The following OXCT1 variants were observed in gnomAD, a reference collection of about 807,000 sequenced individuals.
OXCT1 encodes succinyl-CoA:3-ketoacid coenzyme A transferase 1, mitochondrial.
A neutral mutation model predicts 69.6 loss-of-function variants in OXCT1; 27 were observed. The observed-to-expected ratio is 0.39, with a 90% CI of 0.29 to 0.54. The LOEUF is 0.54. OXCT1 is among the 20% of genes least tolerant of loss of function. OXCT1 has a pLI of 0.72. For synonymous variants in OXCT1, 202 were observed against 217.8 expected, an observed-to-expected ratio of 0.93 and a Z score of 0.64; for missense variants, 437 against 650.2, an observed-to-expected ratio of 0.67 and a Z score of 3.57.
intron 7 of OXCT1, among the ~76,000 whole-genome samples, chr5:41,822,934 A>G (rs1226224128): frequency 6.6e-6 from 1 of 152,168 alleles, no homozygotes; most frequent in African/African-American, 2.4e-5. Context: ...TGTTCAAATT[A>G]TTTAGTCGGA....
chr5:41,845,924 T>G lies in OXCT1; in HGVS notation c.565-3143A>C, dbSNP rs137876328. ...ATCTTAAAATATTTTAATGTAAAAT[T>G]TATCATATAAAAATGTACAAAATAT... On this transcript the variant is annotated intron_variant, in intron 5 of 16. Transcript: ENST00000196371. Among the ~76,000 whole-genome samples the G allele has an allele frequency of 3.6e-4, 55 of 152,130 alleles. 1 individual carries two copies. The East Asian group carries it at 0.011, about 29-fold the overall frequency.
chr5:41,755,704 A>C (rs1234983910), intron 14 of OXCT1, among the ~76,000 whole-genome samples: 1 of 152,136 alleles, frequency 6.6e-6, no homozygotes, highest in Non-Finnish European at 1.5e-5. Flanking sequence ...GATAGCTTTC[A>C]GCTCTATATG....
At chr5:41,840,553 GA>G in intron 6 of OXCT1, 42 bp from the exon 7 acceptor site, 2 of 1,252,388 alleles carry the variant, frequency 1.6e-6, no homozygotes, top group Non-Finnish European at 2.3e-6. Context: ...GGGAAAAGAC[GA>G]AAAATAAGCA....
intron 1 of OXCT1, among the ~76,000 whole-genome samples, chr5:41,868,996 C>G (rs541084018): frequency 6.6e-5 from 10 of 152,294 alleles, no homozygotes; most frequent in Admixed American, 3.9e-4. Context: ...AAAGAAGGAA[C>G]GTTCCTGACC....
intron 7 of OXCT1, among the ~76,000 whole-genome samples, chr5:41,819,164 C>T (rs1433024148): frequency 6.6e-6 from 1 of 151,886 alleles, no homozygotes; most frequent in African/African-American, 2.4e-5. Flanking sequence ...ATAAGTAGGT[C>T]AAAAGTTGTT....
At chr5:41,859,907 T>TATAC (rs1304074270) in intron 3 of OXCT1, among the ~76,000 whole-genome samples, 148 of 138,466 alleles carry the variant, frequency 1.1e-3, no homozygotes, top group African/African-American at 3.6e-3. Flanking sequence ...TATATATATA[T>TATAC]ACACACACAC....
chr5:41,751,647 A>G (rs1743792718), intron 14 of OXCT1, among the ~76,000 whole-genome samples: 1 of 152,164 alleles, frequency 6.6e-6, no homozygotes, highest in South Asian at 2.1e-4. Flanking sequence ...GTTAGCTGGT[A>G]CTGTTTTTAA....
intron 7 of OXCT1, among the ~76,000 whole-genome samples, chr5:41,807,648 G>A (rs748075775): frequency 2.4e-4 from 37 of 151,958 alleles, no homozygotes; most frequent in Admixed American, 1.6e-3. Flanking sequence ...AAGTGTATGC[G>A]TCTGAACAGA....
At chr5:41,778,180 C>A (rs1579717109) in intron 13 of OXCT1, among the ~76,000 whole-genome samples, 1 of 151,502 alleles carries the variant, frequency 6.6e-6, no homozygotes, top group Non-Finnish European at 1.5e-5. Context: ...TTGGTACTTA[C>A]ATAGCTAAAT....
At chr5:41,785,681 A>G (rs907335209) in intron 13 of OXCT1, among the ~76,000 whole-genome samples, 4 of 152,192 alleles carry the variant, frequency 2.6e-5, no homozygotes, top group African/African-American at 9.6e-5. Context: ...AGCATGTAGG[A>G]TAGATGCTCA....
chr5:41,822,637 C>G (rs891134376), intron 7 of OXCT1, among the ~76,000 whole-genome samples: 1 of 152,054 alleles, frequency 6.6e-6, no homozygotes, highest in Non-Finnish European at 1.5e-5. Flanking sequence ...CCATGCCCGG[C>G]TAATTTTTGT....
In OXCT1 at chr5:41,870,364, G is replaced by T. The variant is rs1201610821; in HGVS notation, c.-6C>A. On this transcript the variant is annotated 5_prime_UTR_variant, in exon 1 of 17. Transcript: ENST00000196371. This position sits in a 1 kb window ranked among gnomAD's most constrained non-coding sequence, Gnocchi z 4.2. ...AGGAGTTTGAGAGCCGCCATCTTCG[G>T]GCGGTGAGGCAGGAGGAGGCTGCGG... The T allele has an allele frequency of 6.2e-7, 1 of 1,612,084 alleles. No homozygotes were observed. The highest frequency in any genetic ancestry group is 1.7e-5 in the Admixed American group (1 of 60,020).
intron 15 of OXCT1, among the ~76,000 whole-genome samples, chr5:41,747,121 G>C (rs1208483807): frequency 1.3e-5 from 2 of 152,020 alleles, no homozygotes; most frequent in Non-Finnish European, 2.9e-5. Flanking sequence ...ATCACTGAAG[G>C]GTTCCTTACT....
At position 41,731,665 on chromosome 5, in the gene OXCT1, C is replaced by T; in HGVS notation, c.*64G>A. ...AATACACAATTATGATTATTGATGTCCTTTCAATTAAATCTTGTGTGTTTA... is the reference window on the plus strand; with the variant it reads ...AATACACAATTATGATTATTGATGTTCTTTCAATTAAATCTTGTGTGTTTA... On this transcript the variant is annotated 3_prime_UTR_variant, in exon 17 of 17. Coordinates refer to ENST00000196371, the MANE Select transcript of OXCT1 (RefSeq NM_000436.4). 1.3e-6 allele frequency: 2 copies of T among 1,557,376 alleles called. No homozygotes were observed. The highest frequency in any genetic ancestry group is 2.4e-5 in the South Asian group (2 of 84,786).
chr5:41,746,339 C>T (rs1306940334), intron 15 of OXCT1, among the ~76,000 whole-genome samples: 2 of 151,938 alleles, frequency 1.3e-5, no homozygotes, highest in South Asian at 2.1e-4. Flanking sequence ...ACTAGGAAAT[C>T]AGGGTCATAG....
intron 7 of OXCT1, among the ~76,000 whole-genome samples, chr5:41,815,562 A>G (rs1313178776): frequency 1.3e-5 from 2 of 152,158 alleles, no homozygotes; most frequent in Admixed American, 6.5e-5. Context: ...CTAAATATCT[A>G]TATTTCATTT....
intron 7 of OXCT1, among the ~76,000 whole-genome samples, chr5:41,827,383 T>C (rs1489626321): frequency 1.3e-5 from 2 of 152,138 alleles, no homozygotes; most frequent in Non-Finnish European, 2.9e-5. Context: ...GTCCAGGAAA[T>C]TTATCTATGT....
intron 13 of OXCT1, among the ~76,000 whole-genome samples, chr5:41,767,638 G>A (rs1490803777): frequency 2.7e-5 from 4 of 146,882 alleles, no homozygotes; most frequent in Non-Finnish European, 5.9e-5. Flanking sequence ...ACTCAGTCAC[G>A]TCTCTAATAG....
At position 41,767,720 on chromosome 5, in the gene OXCT1, G is replaced by GTATATATATATATA. The variant is rs751695010; in HGVS notation, c.1249-5521_1249-5520insTATATATATATATA. ...TATCTAGTATCTAATATATATGTGT[G>GTATATATATATATA]TGTATATATATATATATATATATAT... On this transcript the variant is annotated intron_variant, in intron 13 of 16. Coordinates refer to ENST00000196371, the MANE Select transcript of OXCT1 (RefSeq NM_000436.4). Among the ~76,000 whole-genome samples the GTATATATATATATA allele has an allele frequency of 1.9e-3, 150 of 78,290 alleles. 1 individual carries two copies. Among genetic ancestry groups the GTATATATATATATA allele is most frequent in the African/African-American group, 7.6e-3 (126 of 16,662 alleles). 51.4% of individuals were successfully genotyped at this position (78,290 alleles called of 152,430 possible).
Sources: gnomAD v4.1 joint callset for allele counts (sites outside exome capture counted in the v4.1 genomes callset) on GRCh38, gnomAD v4.1.1 for gene constraint, Gnocchi (gnomAD v3.1) non-coding constraint, MANE v1.5 for transcripts, NCBI Gene and HGNC (gene_info 2026-07-23, HGNC 2026-07-21) for gene names.